Variants in GMDS observed in about 807,000 individuals in gnomAD.
GMDS encodes GDP-mannose 4,6-dehydratase.
In GMDS, 20 loss-of-function variants were observed where a neutral mutation model predicts 49.9. The observed-to-expected ratio is 0.40, with a 90% CI of 0.28 to 0.58. GMDS has a LOEUF of 0.58. Among genes scored for constraint, GMDS ranks in the 20% least tolerant of loss-of-function variants. The pLI is 0.42. For synonymous variants in GMDS, 177 were observed against 178.6 expected (o/e 0.99, Z 0.07); for missense variants, 362 against 481.4 (o/e 0.75, Z 2.32).
chr6:1,900,966 T>C (rs1315878956), intron 7 of GMDS, among the ~76,000 whole-genome samples: 1 of 152,180 alleles, frequency 6.6e-6, no homozygotes, highest in African/African-American at 2.4e-5. Context: ...GAGAAAGTAG[T>C]TATGCTGCAA....
intron 1 of GMDS, chr6:2,175,985 G>T: frequency 6.5e-7 from 1 of 1,534,298 alleles, no homozygotes; most frequent in Non-Finnish European, 8.7e-7. Flanking sequence ...CAAACTGCCT[G>T]TGTACAAAAC....
intron 4 of GMDS, among the ~76,000 whole-genome samples, chr6:2,077,163 T>C (rs1772393547): frequency 6.6e-6 from 1 of 152,182 alleles, no homozygotes; most frequent in African/African-American, 2.4e-5. Context: ...TTGGCTGAAT[T>C]TGTTTATCAG....
At chr6:2,202,493 G>T (rs1278143845) in intron 1 of GMDS, among the ~76,000 whole-genome samples, 1 of 149,858 alleles carries the variant, frequency 6.7e-6, no homozygotes, top group Non-Finnish European at 1.5e-5. Flanking sequence ...TACATGTCTG[G>T]TTTCAACTCA....
chr6:1,808,932 C>G (rs1477674934), intron 7 of GMDS, among the ~76,000 whole-genome samples: 2 of 147,326 alleles, frequency 1.4e-5, no homozygotes, highest in South Asian at 2.1e-4. Flanking sequence ...GTGTGTACAC[C>G]TATACACATC....
chr6:1,860,276 A>C (rs745478303), intron 7 of GMDS, among the ~76,000 whole-genome samples: 6 of 152,254 alleles, frequency 3.9e-5, no homozygotes, highest in Non-Finnish European at 8.8e-5. Flanking sequence ...ACAATAGATT[A>C]CCATTCAGCA....
chr6:2,122,271 T>A (rs1775181410), intron 2 of GMDS, among the ~76,000 whole-genome samples: 1 of 152,196 alleles, frequency 6.6e-6, no homozygotes, highest in African/African-American at 2.4e-5. Flanking sequence ...TCACACTGAC[T>A]GGGGTCGTGT....
intron 4 of GMDS, among the ~76,000 whole-genome samples, chr6:2,104,992 C>T (rs1231819850): frequency 6.6e-6 from 1 of 151,794 alleles, no homozygotes; most frequent in Non-Finnish European, 1.5e-5. Flanking sequence ...ACCATCCTGG[C>T]TAACATGGTG....
chr6:2,027,653 G>C (rs1224914764), intron 4 of GMDS, among the ~76,000 whole-genome samples: 1 of 152,132 alleles, frequency 6.6e-6, no homozygotes, highest in Non-Finnish European at 1.5e-5. Context: ...AGAAACAAAT[G>C]TAAGGAAATA....
chr6:1,963,143 G>A (rs1015271772), intron 4 of GMDS, among the ~76,000 whole-genome samples: 1 of 150,056 alleles, frequency 6.7e-6, no homozygotes, highest in Non-Finnish European at 1.5e-5. Context: ...CCAAAGTGCT[G>A]GAATTACAGA....
chr6:2,201,295 T>C (rs1426077542), intron 1 of GMDS, among the ~76,000 whole-genome samples: 2 of 140,460 alleles, frequency 1.4e-5, no homozygotes, highest in African/African-American at 2.7e-5. Context: ...GAACACCACA[T>C]GCGCATCCGA....
intron 7 of GMDS, among the ~76,000 whole-genome samples, chr6:1,837,803 T>C (rs1353694546): frequency 6.6e-6 from 1 of 152,144 alleles, no homozygotes; most frequent in Non-Finnish European, 1.5e-5. Flanking sequence ...GCTGGGGCTT[T>C]GTGCACTTTC....
At chr6:1,759,123 G>A (rs6596855) in intron 7 of GMDS, among the ~76,000 whole-genome samples, 62,041 of 151,914 alleles carry the variant, frequency 0.41, 13,229 homozygotes, top group East Asian at 0.59. Context: ...TGATGATTAC[G>A]TATCTTGAGG....
At chr6:2,023,121 T>C (rs542527324) in intron 4 of GMDS, among the ~76,000 whole-genome samples, 5 of 152,336 alleles carry the variant, frequency 3.3e-5, no homozygotes, top group Non-Finnish European at 7.4e-5. Flanking sequence ...ATTTTTCAAA[T>C]AGCTGGCTTG....
At chr6:1,632,577 A>T (rs1284777591) in intron 9 of GMDS, among the ~76,000 whole-genome samples, 2 of 152,206 alleles carry the variant, frequency 1.3e-5, no homozygotes, top group African/African-American at 2.4e-5. Flanking sequence ...TATAGATTTT[A>T]TCTCAACACA....
chr6:2,065,865 G>C (rs1408096639), intron 4 of GMDS, among the ~76,000 whole-genome samples: 1 of 152,200 alleles, frequency 6.6e-6, no homozygotes, highest in East Asian at 1.9e-4. Context: ...TTATCCAGAA[G>C]AACTTCCCCA....
chr6:2,026,754 A>T (rs1485767752), intron 4 of GMDS, among the ~76,000 whole-genome samples: 1 of 152,208 alleles, frequency 6.6e-6, no homozygotes, highest in African/African-American at 2.4e-5. Context: ...GTGTCTGTGG[A>T]TGAGGCAGCC....
intron 7 of GMDS, among the ~76,000 whole-genome samples, chr6:1,830,825 G>C (rs1756601657): frequency 6.6e-6 from 1 of 152,098 alleles, no homozygotes; most frequent in Non-Finnish European, 1.5e-5. Context: ...GCATTTCAGG[G>C]ATAAGAAATA....
rs866697441 is a variant in GMDS, at chr6:2,010,337, A to G, written c.346-49371T>C. ...GCAAGACTCCATCTCAAAAAAAAAA[A>G]AAAGAAAGAAAGAAAAAAAAAAACA... On this transcript the variant is annotated intron_variant, in intron 4 of 10. Coordinates refer to ENST00000380815, the MANE Select transcript of GMDS (RefSeq NM_001500.4). Among the ~76,000 whole-genome samples, 569 of 151,040 alleles carry G rather than the reference A, an allele frequency of 3.8e-3. 4 individuals are homozygous for G. The highest frequency in any genetic ancestry group is 0.014 in the Middle Eastern group (4 of 290).
intron 4 of GMDS, among the ~76,000 whole-genome samples, chr6:2,024,357 T>C (rs1768456371): frequency 6.6e-6 from 1 of 151,976 alleles, no homozygotes; most frequent in South Asian, 2.1e-4. Flanking sequence ...ATGGCAGAAA[T>C]AACAGTGAGT....
Sources: allele counts gnomAD v4.1 joint callset (sites outside exome capture counted in the v4.1 genomes callset), GRCh38; gene constraint gnomAD v4.1.1; transcripts MANE v1.5; gene names NCBI Gene and HGNC (gene_info 2026-07-23, HGNC 2026-07-21).